Variants in SLC4A4 observed in about 807,000 individuals in gnomAD.
The protein encoded by SLC4A4 is solute carrier family 4 member 4, also known as electrogenic sodium bicarbonate cotransporter 1.
SLC4A4 carries 27 observed loss-of-function variants against 111.5 expected under a neutral mutation model. The ratio of observed to expected loss-of-function variants is 0.24; its 90% CI spans 0.18 to 0.33. SLC4A4 has a LOEUF of 0.33. Ranked by LOEUF, SLC4A4 falls within the 10% of genes least tolerant of loss-of-function variation. The pLI is 1.00. For synonymous variants in SLC4A4, 443 were observed against 463.4 expected (o/e 0.96, Z 0.57); for missense variants, 909 against 1,315.5 (o/e 0.69, Z 4.78).
At chr4:71,440,204 C>T (rs1416123781) in intron 7 of SLC4A4, among the ~76,000 whole-genome samples, 2 of 150,696 alleles carry the variant, frequency 1.3e-5, no homozygotes, top group Non-Finnish European at 3.0e-5. Flanking sequence ...TTTTATTTTT[C>T]CTCTGTGGTA....
chr4:71,169,332 G>A (rs1040397202), intron 2 of SLC4A4, among the ~76,000 whole-genome samples: 5 of 151,750 alleles, frequency 3.3e-5, no homozygotes, highest in Admixed American at 1.3e-4. Flanking sequence ...TTATTTTTTT[G>A]AGGAACCTCT....
intron 6 of SLC4A4, among the ~76,000 whole-genome samples, chr4:71,395,778 A>G (rs1579002634): frequency 1.3e-5 from 2 of 152,318 alleles, no homozygotes; most frequent in South Asian, 4.1e-4. Context: ...AAACTGCTTT[A>G]AATTTATTTC....
chr4:71,171,265 G>T (rs1291568501), intron 2 of SLC4A4, among the ~76,000 whole-genome samples: 1 of 152,070 alleles, frequency 6.6e-6, no homozygotes, highest in Non-Finnish European at 1.5e-5. Flanking sequence ...AGAGTGTGGA[G>T]AGGAGAGTGT....
chr4:71,252,782 T>C lies in SLC4A4; in HGVS notation c.74-2438T>C, dbSNP rs77034965. Among the ~76,000 whole-genome samples, 389 of 152,272 alleles carry C rather than the reference T, an allele frequency of 2.6e-3. 1 individual carries two copies. Among genetic ancestry groups the C allele is most frequent in the African/African-American group, 9.1e-3 (378 of 41,566 alleles). ...AGTGACTGCAAATGGATATGAGGGATCTTTTTGGATTGGTGGAAATGTTCT... is the reference window on the plus strand; with the variant it reads ...AGTGACTGCAAATGGATATGAGGGACCTTTTTGGATTGGTGGAAATGTTCT... On this transcript the variant is annotated intron_variant, in intron 2 of 25. Transcript: ENST00000264485.
intron 17 of SLC4A4, among the ~76,000 whole-genome samples, chr4:71,532,704 C>T (rs893637708): frequency 6.6e-6 from 1 of 152,026 alleles, no homozygotes; most frequent in Non-Finnish European, 1.5e-5. Flanking sequence ...CAAGGTCTCA[C>T]TATATTACCC....
chr4:71,426,582 A>G (rs1015200046), intron 7 of SLC4A4, among the ~76,000 whole-genome samples: 1 of 152,150 alleles, frequency 6.6e-6, no homozygotes, highest in African/African-American at 2.4e-5. Context: ...TGTGCTCCAC[A>G]TAGATATGTA....
At chr4:71,165,994 C>A (rs573741772) in intron 2 of SLC4A4, among the ~76,000 whole-genome samples, 1 of 152,176 alleles carries the variant, frequency 6.6e-6, no homozygotes, top group South Asian at 2.1e-4. Context: ...ATAGTGAAAG[C>A]AGAAGTAAAG....
intron 7 of SLC4A4, among the ~76,000 whole-genome samples, chr4:71,426,489 C>T (rs1577872586): frequency 6.6e-6 from 1 of 152,056 alleles, no homozygotes; most frequent in Non-Finnish European, 1.5e-5. Context: ...TAGGAACAGC[C>T]TTCTATTAAC....
At chr4:71,270,379 C>T (rs117606103) in intron 3 of SLC4A4, among the ~76,000 whole-genome samples, 1 of 152,174 alleles carries the variant, frequency 6.6e-6, no homozygotes, top group Non-Finnish European at 1.5e-5. Flanking sequence ...CATGAGCCAC[C>T]GTGCCCGGCA....
chr4:71,441,823 G>A (rs1264345270), intron 8 of SLC4A4, among the ~76,000 whole-genome samples: 1 of 152,182 alleles, frequency 6.6e-6, no homozygotes, highest in African/African-American at 2.4e-5. Flanking sequence ...ACTTAAAATA[G>A]GAATGATACA....
At chr4:71,493,782 A>G (rs978612907) in intron 15 of SLC4A4, among the ~76,000 whole-genome samples, 7 of 148,230 alleles carry the variant, frequency 4.7e-5, no homozygotes, top group African/African-American at 1.8e-4. Context: ...TCCACTATAA[A>G]CACCTCAAAA....
chr4:71,368,494 T>G (rs1386158140), intron 6 of SLC4A4, among the ~76,000 whole-genome samples: 2 of 152,216 alleles, frequency 1.3e-5, no homozygotes, highest in Non-Finnish European at 2.9e-5. Context: ...TCTATATTCA[T>G]CAAGGAAAAT....
At chr4:71,486,664 T>C (rs59108565) in intron 14 of SLC4A4, among the ~76,000 whole-genome samples, 1,806 of 67,422 alleles carry the variant, frequency 0.027, 40 homozygotes, top group African/African-American at 0.074. Context: ...CAGGGAAGTT[T>C]TATTTCTTTT....
At chr4:71,549,783 T>G (rs1735830707) in intron 20 of SLC4A4, among the ~76,000 whole-genome samples, 1 of 151,848 alleles carries the variant, frequency 6.6e-6, no homozygotes, top group African/African-American at 2.4e-5. Flanking sequence ...ACTTACATTT[T>G]CAACAACGCC....
intron 3 of SLC4A4, among the ~76,000 whole-genome samples, chr4:71,277,353 A>AGTATAGTTGTATAGTAG (rs1723145183): frequency 1.3e-5 from 2 of 152,070 alleles, no homozygotes; most frequent in Non-Finnish European, 2.9e-5. Context: ...TTGTATAGTG[A>AGTATAGTTGTATAGTAG]TAATCTTGTA....
intron 7 of SLC4A4, among the ~76,000 whole-genome samples, chr4:71,418,405 A>G (rs547407620): frequency 6.6e-6 from 1 of 152,208 alleles, no homozygotes; most frequent in Non-Finnish European, 1.5e-5. Context: ...CCTTTTGGCA[A>G]CTTGTCTTAT....
intron 1 of SLC4A4, among the ~76,000 whole-genome samples, chr4:71,204,316 A>C (rs1717614352): frequency 6.6e-6 from 1 of 152,214 alleles, no homozygotes; most frequent in Admixed American, 6.5e-5. Context: ...AATAGCAAGC[A>C]TGTCTTTCTG....
At chr4:71,312,196 G>C (rs375831227) in intron 3 of SLC4A4, among the ~76,000 whole-genome samples, 1 of 152,010 alleles carries the variant, frequency 6.6e-6, no homozygotes, top group South Asian at 2.1e-4. Flanking sequence ...TCCTGGACAT[G>C]TACAGCCTCC....
rs71599998 is a variant in SLC4A4, at chr4:71,399,014, G to T, written c.807+1361G>T. 8.4e-3 allele frequency among the ~76,000 whole-genome samples: 1,280 copies of T among 151,550 alleles called. 6 individuals carry two copies. Among genetic ancestry groups the T allele is most frequent in the South Asian group, 0.03 (143 of 4,798 alleles). On this transcript the variant is annotated intron_variant, in intron 7 of 25. Transcript: ENST00000264485. Reference sequence around the variant, plus strand: ...CTGAACACATACAGACTTTTTTTTTGTTGTCATTATTCTCTAAATAATACA... The same window carrying T: ...CTGAACACATACAGACTTTTTTTTTTTTGTCATTATTCTCTAAATAATACA...
Sources: gnomAD v4.1 joint callset for allele counts (sites outside exome capture counted in the v4.1 genomes callset) on GRCh38, gnomAD v4.1.1 for gene constraint, MANE v1.5 for transcripts, NCBI Gene and HGNC (gene_info 2026-07-23, HGNC 2026-07-21) for gene names.